The following CAB39 variants were observed in gnomAD, a reference collection of about 807,000 sequenced individuals.
CAB39 encodes the protein calcium binding protein 39.
CAB39 carries 8 observed loss-of-function variants against 40.0 expected under a neutral mutation model. The observed-to-expected ratio is 0.20, with a 90% confidence interval of 0.12 to 0.36. The LOEUF is 0.36. Among genes scored for constraint, CAB39 ranks in the 10% least tolerant of loss-of-function variants. CAB39 has a pLI of 1.00. For missense variants in CAB39, 270 were observed against 401.1 expected (o/e 0.67, Z 2.79); for synonymous variants, 156 against 141.6 (o/e 1.10, Z -0.72).
intron 7 of CAB39, among the ~76,000 whole-genome samples, chr2:230,817,325 C>A (rs1297299142): frequency 6.6e-6 from 1 of 152,122 alleles, no homozygotes; most frequent in East Asian, 1.9e-4. Flanking sequence ...CTTGGAAAGT[C>A]CCGCTAAATA....
intron 2 of CAB39, among the ~76,000 whole-genome samples, chr2:230,770,276 G>A (rs562583619): frequency 1.3e-5 from 2 of 152,340 alleles, no homozygotes; most frequent in African/African-American, 4.8e-5. Flanking sequence ...ATTATCTGGA[G>A]TGAGAGATTC....
chr2:230,746,313 G>C (rs372887096), intron 1 of CAB39, among the ~76,000 whole-genome samples: 1 of 152,130 alleles, frequency 6.6e-6, no homozygotes, highest in Admixed American at 6.6e-5. Context: ...TTCATGGATG[G>C]AAAGTGTTCG....
intron 1 of CAB39, among the ~76,000 whole-genome samples, chr2:230,714,768 T>C (rs902279620): frequency 6.6e-6 from 1 of 152,200 alleles, no homozygotes; most frequent in African/African-American, 2.4e-5. Flanking sequence ...GAAGTGAAAG[T>C]GTTTAGCTTT....
chr2:230,779,612 A>G (rs73093096), intron 2 of CAB39, among the ~76,000 whole-genome samples: 1,895 of 152,338 alleles, frequency 0.012, 40 homozygotes, highest in African/African-American at 0.044. Context: ...GTCTTGGAAC[A>G]CCATGTTCAA....
chr2:230,742,276 G>T (rs186441921), intron 1 of CAB39, among the ~76,000 whole-genome samples: 1 of 152,036 alleles, frequency 6.6e-6, no homozygotes, highest in African/African-American at 2.4e-5. Flanking sequence ...CCGGGTTCAC[G>T]CCATTCTCCT....
rs186734360 is a variant in CAB39, at chr2:230,781,743, G to T, written c.115-9129G>T. Among the ~76,000 whole-genome samples, 64 of 152,330 alleles carry T rather than the reference G, an allele frequency of 4.2e-4. 1 individual carries two copies. The highest frequency in any genetic ancestry group is 4.1e-3 in the Admixed American group (63 of 15,306). On this transcript the variant is annotated intron_variant, in intron 2 of 8. Coordinates refer to ENST00000258418, the MANE Select transcript of CAB39 (RefSeq NM_016289.4). ...AGAAGGATGTGGTTACAAGGGCAGA[G>T]AATATATTGACACAATGCCTGCAGG...
Position 230,756,209 on chromosome 2 carries a change from A to G in CAB39, c.-43-3750A>G, listed in dbSNP as rs144802356. 3.2e-3 allele frequency among the ~76,000 whole-genome samples: 492 copies of G among 152,352 alleles called. 4 individuals carry two copies. The highest frequency in any genetic ancestry group is 0.011 in the African/African-American group (465 of 41,570). On this transcript the variant is annotated intron_variant, in intron 1 of 8. Transcript: ENST00000258418. The stretch of plus-strand genomic sequence containing the variant: ...CATCAGGCAGTTTTGTCATTGTGCA[A>G]ACATCATAGAGTGTACAGTACTTAC...
At chr2:230,720,893 C>G (rs1232551099) in intron 1 of CAB39, among the ~76,000 whole-genome samples, 2 of 152,172 alleles carry the variant, frequency 1.3e-5, no homozygotes, top group Non-Finnish European at 2.9e-5. Context: ...CATGTAGATA[C>G]TCTTTTGGCT....
intron 8 of CAB39, chr2:230,818,296 T>G (rs1410257171): frequency 9.5e-6 from 5 of 524,002 alleles, no homozygotes; most frequent in Non-Finnish European, 3.3e-6. Context: ...GTTGCAGGGC[T>G]GGCAGAATGA....
intron 1 of CAB39, among the ~76,000 whole-genome samples, chr2:230,722,956 A>ATAT (rs1694481235): frequency 6.6e-6 from 1 of 152,178 alleles, no homozygotes; most frequent in Non-Finnish European, 1.5e-5. Context: ...GCTTTATGCT[A>ATAT]TATTATTATA....
At chr2:230,716,271 G>A (rs1019483468) in intron 1 of CAB39, among the ~76,000 whole-genome samples, 1 of 152,138 alleles carries the variant, frequency 6.6e-6, no homozygotes, top group Non-Finnish European at 1.5e-5. Flanking sequence ...TTGCAAATAC[G>A]TATGCCACAC....
rs181713278 is a variant in CAB39, at chr2:230,747,824, A to G, written c.-43-12135A>G. 1.3e-3 allele frequency among the ~76,000 whole-genome samples: 195 copies of G among 152,324 alleles called. 3 individuals are homozygous for G. Among genetic ancestry groups the G allele is most frequent in the Non-Finnish European group, 1.6e-4 (11 of 68,026 alleles). Reference sequence around the variant, plus strand: ...CAGTTAATACTTTGCTAGCTATTTCATCTGTCCCCCACCTTGTTCTCTGAG... The same window carrying G: ...CAGTTAATACTTTGCTAGCTATTTCGTCTGTCCCCCACCTTGTTCTCTGAG... On this transcript the variant is annotated intron_variant, in intron 1 of 8. Transcript: ENST00000258418.
intron 1 of CAB39, among the ~76,000 whole-genome samples, chr2:230,742,558 CA>C (rs112074993): frequency 0.042 from 2,516 of 60,372 alleles, 32 homozygotes; most frequent in Middle Eastern, 0.13. Flanking sequence ...AACATATTTG[CA>C]AAAAAAAAAA....
At chr2:230,800,754 C>T (rs1696076727) in intron 5 of CAB39, among the ~76,000 whole-genome samples, 1 of 152,150 alleles carries the variant, frequency 6.6e-6, no homozygotes, top group Non-Finnish European at 1.5e-5. Flanking sequence ...ATGTGGTTGA[C>T]ATGCTTCTGG....
chr2:230,735,432 G>A (rs1694771728), intron 1 of CAB39, among the ~76,000 whole-genome samples: 1 of 152,040 alleles, frequency 6.6e-6, no homozygotes, highest in Non-Finnish European at 1.5e-5. Context: ...CTCCCAAAGT[G>A]CTGGGATTAT....
Position 230,760,019 on chromosome 2 carries a change from G to T in CAB39, c.18G>T (p.Gly6=). The T allele has an allele frequency of 6.2e-7, 1 of 1,612,686 alleles. No homozygotes were observed. Among genetic ancestry groups the T allele is most frequent in the East Asian group, 2.2e-5 (1 of 44,864 alleles). ...CTGCCGTCATGCCGTTCCCGTTTGG[G>T]AAGTCTCACAAATCTCCAGCAGACA... The part of the protein sequence containing the change: MPFPF[G]KSHKSPADIV... Residue 6 remains glycine (G), a synonymous_variant, in exon 2 of 9, where the codon GGG becomes GGT. Transcript: ENST00000258418.
intron 1 of CAB39, among the ~76,000 whole-genome samples, chr2:230,754,286 TTTTC>T (rs1363482365): frequency 3.3e-5 from 5 of 150,242 alleles, no homozygotes; most frequent in African/African-American, 1.2e-4. Flanking sequence ...TAGTATTCTT[TTTTC>T]TTTCTTCTTT....
chr2:230,728,833 G>A (rs375995514), intron 1 of CAB39, among the ~76,000 whole-genome samples: 1 of 151,976 alleles, frequency 6.6e-6, no homozygotes, highest in African/African-American at 2.4e-5. Context: ...GATTGGTCTC[G>A]AACTCCTGGG....
intron 7 of CAB39, among the ~76,000 whole-genome samples, chr2:230,815,138 G>A (rs952041120): frequency 5.3e-5 from 8 of 152,196 alleles, no homozygotes; most frequent in East Asian, 1.9e-4. Context: ...ACACTCCACC[G>A]TCCACATTTT....
Sources: allele counts gnomAD v4.1 joint callset (sites outside exome capture counted in the v4.1 genomes callset), GRCh38; gene constraint gnomAD v4.1.1; transcripts MANE v1.5; gene names NCBI Gene and HGNC (gene_info 2026-07-23, HGNC 2026-07-21).